The following GRIN2A variants were observed in gnomAD, a reference collection of about 807,000 sequenced individuals.
GRIN2A encodes the protein glutamate receptor ionotropic, NMDA 2A.
In GRIN2A, 22 loss-of-function variants were observed where a neutral mutation model predicts 113.4. That is an observed-to-expected ratio of 0.19 (90% CI 0.14 to 0.28). The LOEUF is 0.28. Among genes scored for constraint, GRIN2A ranks in the 10% least tolerant of loss-of-function variants. The pLI is 1.00. For missense variants in GRIN2A, 1,502 were observed against 1,887.0 expected (o/e 0.80, Z 3.78); for synonymous variants, 827 against 738.4 (o/e 1.12, Z -1.94).
At chr16:10,010,761 A>G (rs767013889) in intron 2 of GRIN2A, among the ~76,000 whole-genome samples, 24 of 152,232 alleles carry the variant, frequency 1.6e-4, no homozygotes, top group East Asian at 1.9e-4. Context: ...TGAAAAAGGA[A>G]TATCTCCCCT....
At chr16:9,839,107 C>T (rs2042629413) in intron 7 of GRIN2A, among the ~76,000 whole-genome samples, 2 of 152,268 alleles carry the variant, frequency 1.3e-5, no homozygotes, top group South Asian at 2.1e-4. Flanking sequence ...CAGAGATTCA[C>T]GTTTGTCTTA....
chr16:9,771,567 C>T (rs1175728468), intron 11 of GRIN2A, among the ~76,000 whole-genome samples: 1 of 150,472 alleles, frequency 6.6e-6, no homozygotes, highest in African/African-American at 2.5e-5. Context: ...CCCACCCCCA[C>T]CTTAGTTCTT....
chr16:10,145,495 T>C (rs536497187), intron 2 of GRIN2A, among the ~76,000 whole-genome samples: 11 of 145,706 alleles, frequency 7.5e-5, no homozygotes, highest in African/African-American at 2.6e-4. Context: ...ATTATTTAGA[T>C]GTCAATGCAG....
At chr16:9,813,286 C>T (rs137974010) in intron 10 of GRIN2A, among the ~76,000 whole-genome samples, 6 of 152,222 alleles carry the variant, frequency 3.9e-5, no homozygotes, top group Non-Finnish European at 7.4e-5. Flanking sequence ...AACAAATTTG[C>T]ATATGCACCG....
chr16:9,867,993 C>T (rs1382826351), intron 4 of GRIN2A, among the ~76,000 whole-genome samples: 1 of 152,130 alleles, frequency 6.6e-6, no homozygotes, highest in Non-Finnish European at 1.5e-5. Context: ...AATAGTTTCT[C>T]TCCCATCTGC....
chr16:9,981,736 G>A (rs1037188749), intron 2 of GRIN2A, among the ~76,000 whole-genome samples: 21 of 152,054 alleles, frequency 1.4e-4, no homozygotes, highest in African/African-American at 2.4e-4. Flanking sequence ...TAGAAAAATC[G>A]TATTCTTTTG....
At chr16:10,127,357 A>C (rs2048961162) in intron 2 of GRIN2A, among the ~76,000 whole-genome samples, 1 of 152,064 alleles carries the variant, frequency 6.6e-6, no homozygotes, top group South Asian at 2.1e-4. Context: ...TACCATCCTC[A>C]AGAACTTTCT....
At chr16:10,060,329 T>A (rs2047530144) in intron 2 of GRIN2A, among the ~76,000 whole-genome samples, 2 of 152,304 alleles carry the variant, frequency 1.3e-5, no homozygotes, top group African/African-American at 4.8e-5. Flanking sequence ...CTTCACGTTT[T>A]CTGATGTTGC....
At chr16:10,067,501 A>G (rs2047672079) in intron 2 of GRIN2A, among the ~76,000 whole-genome samples, 2 of 152,236 alleles carry the variant, frequency 1.3e-5, no homozygotes, top group African/African-American at 4.8e-5. Context: ...CATGGGGCTG[A>G]TATTAAAGTA....
At chr16:9,977,301 A>G (rs3104707) in intron 2 of GRIN2A, among the ~76,000 whole-genome samples, 122,724 of 141,408 alleles carry the variant, frequency 0.87, 53,821 homozygotes, top group African/African-American at 0.94. Flanking sequence ...GCAAGGGAGG[A>G]AGGGGGGAGG....
Position 9,884,173 on chromosome 16 carries a change from T to C in GRIN2A, c.1122+6813A>G, listed in dbSNP as rs879815518. Among the ~76,000 whole-genome samples, 20 of 152,234 alleles carry C rather than the reference T, an allele frequency of 1.3e-4. 1 individual carries two copies. The highest frequency in any genetic ancestry group is 2.6e-4 in the Non-Finnish European group (18 of 68,048). ...CACTAAAAATATCTACAATTTTTAT[T>C]TGTTAACTTAAACAAATTTTTAAAA... On this transcript the variant is annotated intron_variant, in intron 4 of 12. Transcript: ENST00000330684.
chr16:10,102,766 G>A (rs1224663553), intron 2 of GRIN2A, among the ~76,000 whole-genome samples: 1 of 152,178 alleles, frequency 6.6e-6, no homozygotes, highest in Non-Finnish European at 1.5e-5. Context: ...GGCTCAGAGA[G>A]GTTAGGTAAC....
intron 2 of GRIN2A, among the ~76,000 whole-genome samples, chr16:10,042,111 CT>C (rs1353644204): frequency 1.3e-5 from 2 of 152,156 alleles, no homozygotes; most frequent in South Asian, 4.1e-4. Flanking sequence ...ACTCCACCCC[CT>C]GACCACCAGA....
At chr16:9,988,348 T>C (rs1420046128) in intron 2 of GRIN2A, among the ~76,000 whole-genome samples, 2 of 152,028 alleles carry the variant, frequency 1.3e-5, no homozygotes, top group South Asian at 2.1e-4. Context: ...TTTTTAAATT[T>C]TTAATACATA....
intron 2 of GRIN2A, among the ~76,000 whole-genome samples, chr16:10,001,217 G>A (rs1596404969): frequency 6.6e-6 from 1 of 152,090 alleles, no homozygotes; most frequent in Non-Finnish European, 1.5e-5. Context: ...TCTATACAAA[G>A]AGTGTTTATC....
At chr16:10,140,768 T>C (rs947972371) in intron 2 of GRIN2A, among the ~76,000 whole-genome samples, 2 of 152,182 alleles carry the variant, frequency 1.3e-5, no homozygotes, top group Non-Finnish European at 1.5e-5. Context: ...GGACTTCTGA[T>C]GAAGCGACCA....
At chr16:9,983,233 TG>T (rs1364010134) in intron 2 of GRIN2A, among the ~76,000 whole-genome samples, 1 of 152,210 alleles carries the variant, frequency 6.6e-6, no homozygotes, top group Non-Finnish European at 1.5e-5. Context: ...AGCGTAATTT[TG>T]TATCCTTTAA....
chr16:9,818,300 T>C lies in GRIN2A; in HGVS notation c.2168+3964A>G, dbSNP rs79179643. Among the ~76,000 whole-genome samples the C allele has an allele frequency of 9.6e-3, 1,440 of 149,248 alleles. 9 individuals carry two copies. The highest frequency in any genetic ancestry group is 0.016 in the Non-Finnish European group (1,043 of 67,038). ...CTGGTTTTCATAATCATCTGAGGAG[T>C]TGAAGTCATGTCTCATACCACCCAC... On this transcript the variant is annotated intron_variant, in intron 10 of 12. Transcript: ENST00000330684.
intron 2 of GRIN2A, among the ~76,000 whole-genome samples, chr16:10,089,382 T>C (rs1183895402): frequency 6.6e-6 from 1 of 152,228 alleles, no homozygotes; most frequent in African/African-American, 2.4e-5. Context: ...ATTTTTTGTA[T>C]GTCAACTATA....
Sources: allele counts gnomAD v4.1 joint callset (sites outside exome capture counted in the v4.1 genomes callset), GRCh38; gene constraint gnomAD v4.1.1; transcripts MANE v1.5; gene names NCBI Gene and HGNC (gene_info 2026-07-23, HGNC 2026-07-21).